The following ELAVL2 variants were observed in gnomAD, a reference collection of about 807,000 sequenced individuals.
The protein encoded by ELAVL2 is ELAV like RNA binding protein 2.
Under a neutral mutation model 34.6 loss-of-function variants are expected in ELAVL2, and 4 were observed. The ratio of observed to expected loss-of-function variants is 0.12; its 90% CI spans 0.06 to 0.26. The LOEUF is 0.26. Among genes scored for constraint, ELAVL2 ranks in the 10% least tolerant of loss-of-function variants. The pLI is 1.00. For synonymous variants in ELAVL2, 193 were observed against 154.8 expected (o/e 1.25, Z -1.83); for missense variants, 432 against 442.8 (o/e 0.98, Z 0.22).
chr9:23,720,635 T>C (rs1050123956), intron 3 of ELAVL2, among the ~76,000 whole-genome samples: 1 of 152,214 alleles, frequency 6.6e-6, no homozygotes, highest in African/African-American at 2.4e-5. Context: ...CATTATTTCT[T>C]AGGTAAATCC....
intron 1 of ELAVL2, among the ~76,000 whole-genome samples, chr9:23,822,781 G>A (rs1026603105): frequency 5.9e-5 from 9 of 152,238 alleles, no homozygotes; most frequent in Non-Finnish European, 8.8e-5. Context: ...ATTGTAGGAG[G>A]TAAGAGAAAG....
chr9:23,820,538 T>C (rs899373523), intron 1 of ELAVL2, among the ~76,000 whole-genome samples: 1 of 152,232 alleles, frequency 6.6e-6, no homozygotes, highest in Non-Finnish European at 1.5e-5. Flanking sequence ...AATGACCATC[T>C]GGGCAGCTAC....
Position 23,759,722 on chromosome 9 carries a change from G to A in ELAVL2, c.229+2284C>T, listed in dbSNP as rs188385109. ...ATATACTATATATAGTAGTGTACAC[G>A]TAATATATATGTGTATACATCATAT... is the stretch of plus-strand genomic sequence containing the variant. On this transcript the variant is annotated intron_variant, in intron 2 of 6. Coordinates refer to ENST00000397312, the MANE Select transcript of ELAVL2 (RefSeq NM_004432.5). Among the ~76,000 whole-genome samples the A allele has an allele frequency of 1.3e-3, 153 of 118,986 alleles. 1 individual carries two copies. The highest frequency in any genetic ancestry group is 4.5e-3 in the African/African-American group (142 of 31,680). 78.1% of individuals were successfully genotyped at this position (118,986 alleles called of 152,430 possible).
intron 1 of ELAVL2, among the ~76,000 whole-genome samples, chr9:23,782,896 C>A (rs1411084157): frequency 1.3e-5 from 2 of 152,138 alleles, no homozygotes; most frequent in African/African-American, 4.8e-5. Flanking sequence ...TGAAGTGAAA[C>A]CAGGAAGGAA....
chr9:23,846,367 AT>A, the ELAVL2 span, among the ~76,000 whole-genome samples: 4 of 151,952 alleles, frequency 2.6e-5, no homozygotes, highest in Non-Finnish European at 4.4e-5. Flanking sequence ...TCGTAAAAAA[AT>A]CAAATGATTT....
the ELAVL2 span, among the ~76,000 whole-genome samples, chr9:23,843,097 A>C: frequency 6.6e-6 from 1 of 152,168 alleles, no homozygotes; most frequent in Non-Finnish European, 1.5e-5. Flanking sequence ...CCCAAGGGGA[A>C]CAAAAATAGA....
chr9:23,758,130 G>C (rs1301197429), intron 2 of ELAVL2, among the ~76,000 whole-genome samples: 1 of 152,032 alleles, frequency 6.6e-6, no homozygotes, highest in Non-Finnish European at 1.5e-5. Context: ...GAATAAGCTG[G>C]ATAATTAGAG....
chr9:23,802,658 T>C (rs961903102), intron 1 of ELAVL2, among the ~76,000 whole-genome samples: 64 of 152,304 alleles, frequency 4.2e-4, no homozygotes, highest in African/African-American at 1.5e-3. Flanking sequence ...TGAGACTTCC[T>C]CATACATCCG....
Position 23,825,849 on chromosome 9 carries a change from C to T in ELAVL2, c.-59G>A, listed in dbSNP as rs895626664. On this transcript the variant is annotated 5_prime_UTR_variant, in exon 1 of 7. Coordinates refer to ENST00000397312, the MANE Select transcript of ELAVL2 (RefSeq NM_004432.5). The stretch of plus-strand genomic sequence containing the variant: ...TTGTGTATGTGTGTTTTTAAAGTAA[C>T]GGTGCAGTTCTCCCAATAAGGATGA... 1 of 152,154 alleles carries T rather than the reference C, an allele frequency of 6.6e-6. No individual in the cohort carries two copies. The highest frequency in any genetic ancestry group is 1.5e-5 in the Non-Finnish European group (1 of 68,024). 9.4% of individuals were successfully genotyped at this position (152,154 alleles called of 1,614,324 possible).
chr9:23,825,336 A>C (rs959439451), intron 1 of ELAVL2, among the ~76,000 whole-genome samples: 4 of 152,192 alleles, frequency 2.6e-5, no homozygotes, highest in African/African-American at 9.7e-5. Context: ...AGCACATGCT[A>C]TCTGGTTAAT....
chr9:23,837,796 A>G, the ELAVL2 span, among the ~76,000 whole-genome samples: 1 of 152,206 alleles, frequency 6.6e-6, no homozygotes, highest in East Asian at 1.9e-4. Context: ...ATAAAGCTCT[A>G]CTTTTCATTT....
chr9:23,725,291 G>T (rs944878628), intron 3 of ELAVL2, among the ~76,000 whole-genome samples: 2 of 152,036 alleles, frequency 1.3e-5, no homozygotes, highest in Non-Finnish European at 2.9e-5. Context: ...CATAACTCAG[G>T]CTCATTTCCC....
rs1036309242 is a variant in ELAVL2, at chr9:23,750,061, G to A, written c.229+11945C>T. Among the ~76,000 whole-genome samples the A allele has an allele frequency of 5.3e-5, 8 of 150,604 alleles. No individual in the cohort carries two copies. The South Asian group carries it at 1.0e-3, about 20-fold the overall frequency. On this transcript the variant is annotated intron_variant, in intron 2 of 6. Transcript: ENST00000397312. ...AAAAAAAAAAGACTCTTTAAAAGTC[G>A]GTTGTCCAACTATAAAGGCTAGGAA... is the stretch of plus-strand genomic sequence containing the variant.
intron 1 of ELAVL2, among the ~76,000 whole-genome samples, chr9:23,822,088 G>A (rs2138616376): frequency 2.0e-5 from 3 of 152,228 alleles, no homozygotes; most frequent in Admixed American, 2.0e-4. Context: ...GCCCAGAGGA[G>A]GCTGATTCCA....
At chr9:23,814,928 C>T (rs1179745286) in intron 1 of ELAVL2, among the ~76,000 whole-genome samples, 1 of 151,994 alleles carries the variant, frequency 6.6e-6, no homozygotes, top group South Asian at 2.1e-4. Flanking sequence ...TTGCTTTATT[C>T]TGATATACAC....
chr9:23,695,377 T>C (rs979924937), intron 5 of ELAVL2, among the ~76,000 whole-genome samples: 4 of 152,126 alleles, frequency 2.6e-5, no homozygotes, highest in South Asian at 2.1e-4. Context: ...ATTGCATCCA[T>C]GTAGGGACAG....
chr9:23,707,747 A>G (rs527428020), intron 3 of ELAVL2, among the ~76,000 whole-genome samples: 3 of 152,346 alleles, frequency 2.0e-5, no homozygotes, highest in African/African-American at 7.2e-5. Context: ...ATAATTAAAT[A>G]ATTTCTAATC....
the ELAVL2 span, among the ~76,000 whole-genome samples, chr9:23,845,098 A>C: frequency 6.6e-6 from 1 of 152,032 alleles, no homozygotes; most frequent in Admixed American, 6.6e-5. Flanking sequence ...ATACTCCTGG[A>C]TTTTTAGTTA....
the ELAVL2 span, among the ~76,000 whole-genome samples, chr9:23,845,839 A>T: frequency 1.3e-5 from 2 of 151,960 alleles, no homozygotes; most frequent in East Asian, 3.9e-4. Flanking sequence ...ACACAAAACA[A>T]CTCAGGAGAC....
Sources: allele counts gnomAD v4.1 joint callset (sites outside exome capture counted in the v4.1 genomes callset), GRCh38; gene constraint gnomAD v4.1.1; transcripts MANE v1.5; gene names NCBI Gene and HGNC (gene_info 2026-07-23, HGNC 2026-07-21).